The following LRRC53 variants were observed in gnomAD, a reference collection of about 807,000 sequenced individuals.
LRRC53 encodes the protein leucine rich repeat containing 53.
A neutral mutation model predicts 13.6 loss-of-function variants in LRRC53; 25 were observed. The ratio of observed to expected loss-of-function variants is 1.83; its 90% CI spans 1.34 to 2.56. LRRC53 has a LOEUF of 2.56. LRRC53 is among the 30% of genes most tolerant of loss of function. LRRC53 has a pLI of 0.00. For synonymous variants in LRRC53, 204 were observed against 109.8 expected, an observed-to-expected ratio of 1.86 and a Z score of -5.37; for missense variants, 527 against 275.8, an observed-to-expected ratio of 1.91 and a Z score of -6.45.
chr1:74,535,835 A>C, the LRRC53 span, among the ~76,000 whole-genome samples: 1 of 152,208 alleles, frequency 6.6e-6, no homozygotes, highest in African/African-American at 2.4e-5. Flanking sequence ...ACCACTCGTC[A>C]TCTGGAACAG....
Position 74,480,323 on chromosome 1 carries a change from T to A in LRRC53, c.734A>T (p.Asp245Val), listed in dbSNP as rs1299864461. The change falls in exon 3 of 5, where the codon GAC (aspartate) becomes GTC (valine). Residue 245 changes from aspartate to valine, a missense_variant. By Grantham distance (152) the Asp-to-Val change is radical. Transcript: ENST00000294635. ...SSAHTLRNAK[D>V]LNCQPSTAAV... ...TGCGGTAGATGGCTGGCAATTTAGGTCCTTGGCATTCCTGAGCGTGTGAGC... is the reference window on the plus strand; with the variant it reads ...TGCGGTAGATGGCTGGCAATTTAGGACCTTGGCATTCCTGAGCGTGTGAGC... 1.4e-6 allele frequency: 1 copy of A among 717,786 alleles called. No individual in the cohort carries two copies. Among genetic ancestry groups the A allele is most frequent in the East Asian group, 2.7e-5 (1 of 37,288 alleles). The allele number at this position is 717,786 out of a possible 1,614,324, so 44.5% of individuals were successfully genotyped here. A position where few individuals can be genotyped will look rare whatever the true frequency, so the allele number is the denominator to read the frequency against.
intron 1 of LRRC53, among the ~76,000 whole-genome samples, chr1:74,485,120 C>A (rs1668688571): frequency 6.6e-6 from 1 of 152,108 alleles, no homozygotes; most frequent in East Asian, 1.9e-4. Flanking sequence ...TAGTGATAGA[C>A]ATGTAAATAC....
intron 4 of LRRC53, among the ~76,000 whole-genome samples, chr1:74,474,451 C>G (rs764578441): frequency 2.0e-5 from 3 of 152,070 alleles, no homozygotes; most frequent in Admixed American, 2.0e-4. Context: ...TTATTCTTAT[C>G]CAGTCGCCCC....
At chr1:74,473,957 T>C (rs1373193719) in intron 4 of LRRC53, among the ~76,000 whole-genome samples, 1 of 152,138 alleles carries the variant, frequency 6.6e-6, no homozygotes, top group Non-Finnish European at 1.5e-5. Flanking sequence ...AATTTTTCTT[T>C]ACCGATTTCT....
At chr1:74,505,868 T>C (rs576856583) in intron 1 of LRRC53, among the ~76,000 whole-genome samples, 111 of 152,356 alleles carry the variant, frequency 7.3e-4, no homozygotes, top group African/African-American at 2.5e-3. Context: ...AGCTGAACAT[T>C]TTTTATTAAT....
chr1:74,475,569 A>G lies in LRRC53; in HGVS notation c.1146T>C (p.Asn382=). The G allele has an allele frequency of 2.8e-6, 2 of 717,228 alleles. No individual in the cohort carries two copies. The highest frequency in any genetic ancestry group is 5.2e-6 in the Non-Finnish European group (2 of 384,914). The allele number at this position is 717,228 out of a possible 1,614,324, so 44.4% of individuals were successfully genotyped here. The change falls in exon 4 of 5, where the codon AAT becomes AAC. Residue 382 remains asparagine (N), a synonymous_variant. Coordinates refer to ENST00000294635, the MANE Select transcript of LRRC53 (RefSeq NM_001382280.1). The stretch of plus-strand genomic sequence containing the variant: ...CAGAGGCCGATGTTGCTTGATGGCT[A>G]TTTTCCTGTAAAAGTGGCATTTCTT... ...SRKEMPLLQE[N]SHQATSASES...
chr1:74,492,094 C>T lies in LRRC53; in HGVS notation c.-26-8719G>A, dbSNP rs1669108160. 4 of 1,552,800 alleles carry T rather than the reference C, an allele frequency of 2.6e-6. No individual in the cohort carries two copies. Among genetic ancestry groups the T allele is most frequent in the Non-Finnish European group, 2.6e-6 (3 of 1,139,692 alleles). On this transcript the variant is annotated intron_variant, in intron 1 of 4. Transcript: ENST00000294635. ...CAATTGAAATTGCCCCTCCTCCACTCAGCTGATGTCTCCTGCATCAAGTAA... is the reference window on the plus strand; with the variant it reads ...CAATTGAAATTGCCCCTCCTCCACTTAGCTGATGTCTCCTGCATCAAGTAA...
At position 74,501,874 on chromosome 1, in the gene LRRC53, TTATA is replaced by T. The variant is rs367958004; in HGVS notation, c.-27+10648_-27+10651del. On this transcript the variant is annotated intron_variant, in intron 1 of 4. Coordinates refer to ENST00000294635, the MANE Select transcript of LRRC53 (RefSeq NM_001382280.1). ...GGCTGGCAGATGAGACTTCTGAGGG[TTATA>T]TATATATATATACATTTTCTTTTTC... is the stretch of plus-strand genomic sequence containing the variant. Among the ~76,000 whole-genome samples the T allele has an allele frequency of 5.2e-3, 786 of 149,752 alleles. 10 individuals carry two copies. Among genetic ancestry groups the T allele is most frequent in the African/African-American group, 0.018 (726 of 41,050 alleles).
intron 1 of LRRC53, among the ~76,000 whole-genome samples, chr1:74,484,396 G>A (rs940082923): frequency 1.3e-5 from 2 of 152,162 alleles, no homozygotes; most frequent in African/African-American, 2.4e-5. Context: ...TAGAGCAGGG[G>A]CTGACAAGCA....
At chr1:74,477,138 C>A (rs1668243601) in intron 3 of LRRC53, among the ~76,000 whole-genome samples, 1 of 152,022 alleles carries the variant, frequency 6.6e-6, no homozygotes, top group Non-Finnish European at 1.5e-5. Flanking sequence ...TTATCCCAAA[C>A]AAGGATTTTG....
intron 1 of LRRC53, chr1:74,492,309 C>T: frequency 6.9e-7 from 1 of 1,441,980 alleles, no homozygotes; most frequent in South Asian, 1.7e-5. Context: ...AGTCTTATTT[C>T]AGAATCTTAT....
intron 1 of LRRC53, among the ~76,000 whole-genome samples, chr1:74,500,428 C>A (rs1430514377): frequency 6.6e-6 from 1 of 151,040 alleles, no homozygotes; most frequent in Non-Finnish European, 1.5e-5. Context: ...ACGGTGAAAC[C>A]CCGTCTCTAC....
At chr1:74,504,873 T>C (rs1310701210) in intron 1 of LRRC53, among the ~76,000 whole-genome samples, 1 of 152,082 alleles carries the variant, frequency 6.6e-6, no homozygotes, top group African/African-American at 2.4e-5. Flanking sequence ...AGAGTGCATT[T>C]CCCTCTTCAA....
chr1:74,476,478 A>G (rs1026890543), intron 3 of LRRC53, among the ~76,000 whole-genome samples: 1 of 152,142 alleles, frequency 6.6e-6, no homozygotes, highest in African/African-American at 2.4e-5. Context: ...CTCTGCTACA[A>G]CTGAGCACTG....
At chr1:74,504,053 G>A (rs1557612464) in intron 1 of LRRC53, among the ~76,000 whole-genome samples, 1 of 152,264 alleles carries the variant, frequency 6.6e-6, no homozygotes, top group South Asian at 2.1e-4. Context: ...CCTCTTCACC[G>A]CATCCCTAGG....
intron 1 of LRRC53, chr1:74,492,092 C>T (rs189901197): frequency 1.3e-6 from 2 of 1,536,652 alleles, no homozygotes; most frequent in Admixed American, 1.8e-5. Context: ...CCCTCCTCCA[C>T]TCAGCTGATG....
Position 74,471,974 on chromosome 1 carries a change from T to C in LRRC53, c.1648A>G (p.Lys550Glu). The change falls in exon 5 of 5, where the codon AAA (lysine) becomes GAA (glutamate). Residue 550 changes from lysine (K) to glutamate (E), a missense_variant. Lys to Glu is a moderately conservative substitution (Grantham distance 56). Coordinates refer to ENST00000294635, the MANE Select transcript of LRRC53 (RefSeq NM_001382280.1). Reference sequence around the variant, plus strand: ...AACAGTCCACAAGGATCATCATATTTTGATCTATTTTTTTGTACGATCTTT... The same window carrying C: ...AACAGTCCACAAGGATCATCATATTCTGATCTATTTTTTTGTACGATCTTT... ...VQKIVQKNRSKYDDPCGLLKQ... is the reference protein window; with the variant it reads ...VQKIVQKNRSEYDDPCGLLKQ... 1 of 625,158 alleles carries C rather than the reference T, an allele frequency of 1.6e-6. No homozygotes were observed. The highest frequency in any genetic ancestry group is 2.9e-6 in the Non-Finnish European group (1 of 346,194). 38.7% of individuals were successfully genotyped at this position (625,158 alleles called of 1,614,324 possible).
the LRRC53 span, among the ~76,000 whole-genome samples, chr1:74,527,146 GGTCACTGTAAACA>G: frequency 6.6e-6 from 1 of 152,192 alleles, no homozygotes; most frequent in Admixed American, 6.5e-5. Flanking sequence ...GCTACCTTCA[GGTCACTGTAAACA>G]GTTTTACTAG....
chr1:74,521,254 C>T, the LRRC53 span, among the ~76,000 whole-genome samples: 13 of 152,162 alleles, frequency 8.5e-5, no homozygotes, highest in Admixed American at 8.5e-4. Context: ...TCTGTGCGAT[C>T]TTGCCCAAGC....
Sources: gnomAD v4.1 joint callset for allele counts (sites outside exome capture counted in the v4.1 genomes callset) on GRCh38, gnomAD v4.1.1 for gene constraint, MANE v1.5 for transcripts, NCBI Gene and HGNC (gene_info 2026-07-23, HGNC 2026-07-21) for gene names.